The following WWOX variants were observed in gnomAD, a reference collection of about 807,000 sequenced individuals.
WWOX encodes the protein WW domain-containing oxidoreductase.
Under a neutral mutation model 46.2 loss-of-function variants are expected in WWOX, and 69 were observed. The observed-to-expected ratio is 1.49, with a 90% confidence interval of 1.23 to 1.82. The LOEUF is 1.82. WWOX is among the 40% of genes most tolerant of loss of function. WWOX has a pLI of 0.00. For missense variants in WWOX, 919 were observed against 542.6 expected (o/e 1.69, Z -6.89); for synonymous variants, 359 against 202.6 (o/e 1.77, Z -6.56).
intron 4 of WWOX, among the ~76,000 whole-genome samples, chr16:78,116,890 C>G (rs186022840): frequency 1.5e-4 from 23 of 152,252 alleles, no homozygotes; most frequent in Non-Finnish European, 1.5e-5. Flanking sequence ...GTTAAGTGTT[C>G]GAACTGCTCC....
intron 5 of WWOX, among the ~76,000 whole-genome samples, chr16:78,287,179 A>G (rs1597445881): frequency 6.6e-6 from 1 of 152,248 alleles, no homozygotes; most frequent in Non-Finnish European, 1.5e-5. Flanking sequence ...AATAAAATAC[A>G]TTTCTCCACT....
At chr16:78,485,586 A>T (rs2084613771) in intron 8 of WWOX, among the ~76,000 whole-genome samples, 1 of 152,142 alleles carries the variant, frequency 6.6e-6, no homozygotes, top group African/African-American at 2.4e-5. Context: ...GGTAATGGGG[A>T]GGGGAGCCTG....
chr16:78,374,683 G>C (rs2081776472), intron 5 of WWOX, among the ~76,000 whole-genome samples: 1 of 151,780 alleles, frequency 6.6e-6, no homozygotes, highest in South Asian at 2.1e-4. Flanking sequence ...CGAGTAGCTG[G>C]AACTACAGGT....
At chr16:78,612,780 G>A (rs945615679) in intron 8 of WWOX, among the ~76,000 whole-genome samples, 3 of 152,110 alleles carry the variant, frequency 2.0e-5, no homozygotes, top group Non-Finnish European at 2.9e-5. Context: ...CCCAGCCCAT[G>A]TTAATTTTTT....
intron 5 of WWOX, among the ~76,000 whole-genome samples, chr16:78,230,510 T>C (rs1195842458): frequency 3.3e-5 from 5 of 152,234 alleles, no homozygotes; most frequent in Admixed American, 1.3e-4. Flanking sequence ...TTTGAATTAA[T>C]TGATGAACAT....
chr16:78,919,488 C>A (rs1597150751), intron 8 of WWOX, among the ~76,000 whole-genome samples: 1 of 149,776 alleles, frequency 6.7e-6, no homozygotes, highest in Admixed American at 6.7e-5. Flanking sequence ...CCTTAAGTGG[C>A]TTTCTTCTCT....
At chr16:78,244,724 C>T (rs775866404) in intron 5 of WWOX, among the ~76,000 whole-genome samples, 1 of 152,142 alleles carries the variant, frequency 6.6e-6, no homozygotes, top group Admixed American at 6.5e-5. Flanking sequence ...AACACTTGCA[C>T]CTGCAGTTAC....
chr16:78,738,048 C>T (rs1424211230), intron 8 of WWOX, among the ~76,000 whole-genome samples: 1 of 152,182 alleles, frequency 6.6e-6, no homozygotes. Context: ...ATAAGCAAGT[C>T]AAGGTGGGCT....
intron 8 of WWOX, among the ~76,000 whole-genome samples, chr16:78,659,304 G>T (rs544429387): frequency 7.2e-5 from 11 of 151,958 alleles, no homozygotes; most frequent in Non-Finnish European, 1.5e-4. Context: ...AGTTTTTTCA[G>T]TTGCACAGCC....
intron 5 of WWOX, among the ~76,000 whole-genome samples, chr16:78,380,476 T>G (rs2081929839): frequency 6.6e-6 from 1 of 152,084 alleles, no homozygotes; most frequent in Non-Finnish European, 1.5e-5. Context: ...TGAGATGGCT[T>G]TTATCATTGG....
At chr16:79,081,612 C>A (rs561811348) in intron 8 of WWOX, among the ~76,000 whole-genome samples, 2 of 152,312 alleles carry the variant, frequency 1.3e-5, no homozygotes, top group South Asian at 4.1e-4. Flanking sequence ...CCTTCGCTTC[C>A]TCATTGGTCA....
intron 5 of WWOX, among the ~76,000 whole-genome samples, chr16:78,379,124 A>G (rs1385358074): frequency 3.3e-5 from 5 of 152,218 alleles, no homozygotes; most frequent in African/African-American, 1.2e-4. Flanking sequence ...GATATTTGCT[A>G]TCACTATTAA....
chr16:78,157,633 A>G (rs916836148), intron 4 of WWOX, among the ~76,000 whole-genome samples: 4 of 152,220 alleles, frequency 2.6e-5, no homozygotes, highest in Non-Finnish European at 4.4e-5. Flanking sequence ...ATTTTGGAAT[A>G]TGGGATTTGG....
At chr16:78,590,121 A>G (rs538373414) in intron 8 of WWOX, among the ~76,000 whole-genome samples, 2 of 148,376 alleles carry the variant, frequency 1.3e-5, no homozygotes, top group Admixed American at 6.8e-5. Context: ...ATAGCTTGCC[A>G]TGTCTGATAG....
chr16:78,869,489 C>T lies in WWOX; in HGVS notation c.1057-342119C>T, dbSNP rs146732046. Among the ~76,000 whole-genome samples the T allele has an allele frequency of 1.9e-3, 294 of 152,322 alleles. 1 individual carries two copies. Among genetic ancestry groups the T allele is most frequent in the African/African-American group, 6.7e-3 (280 of 41,566 alleles). On this transcript the variant is annotated intron_variant, in intron 8 of 8. Coordinates refer to ENST00000566780, the MANE Select transcript of WWOX (RefSeq NM_016373.4). ...ACACAGCCCTCCCTCCCAGCTCATC[C>T]GGTAACAATTTAGATGAAGGATGTA... is the stretch of plus-strand genomic sequence containing the variant.
intron 8 of WWOX, among the ~76,000 whole-genome samples, chr16:78,622,662 C>A (rs988415240): frequency 5.8e-5 from 8 of 137,358 alleles, no homozygotes; most frequent in African/African-American, 1.4e-4. Context: ...ACCCTTCCCC[C>A]ACCTTGAATG....
chr16:78,536,706 T>C (rs1195808270), intron 8 of WWOX, among the ~76,000 whole-genome samples: 1 of 152,000 alleles, frequency 6.6e-6, no homozygotes, highest in African/African-American at 2.4e-5. Flanking sequence ...ATGCTGATCA[T>C]GACTATGAAA....
At chr16:78,332,197 C>CT (rs1402551505) in intron 5 of WWOX, among the ~76,000 whole-genome samples, 5 of 152,090 alleles carry the variant, frequency 3.3e-5, no homozygotes, top group African/African-American at 1.2e-4. Context: ...TTTGCCATCT[C>CT]TTTTTCCCAG....
chr16:78,916,177 T>C (rs1200328780), intron 8 of WWOX, among the ~76,000 whole-genome samples: 1 of 152,178 alleles, frequency 6.6e-6, no homozygotes, highest in Admixed American at 6.5e-5. Flanking sequence ...CTAAACACGC[T>C]GCACAAGGAA....
Sources: gnomAD v4.1 joint callset for allele counts (sites outside exome capture counted in the v4.1 genomes callset) on GRCh38, gnomAD v4.1.1 for gene constraint, MANE v1.5 for transcripts, NCBI Gene and HGNC (gene_info 2026-07-23, HGNC 2026-07-21) for gene names.